Variants in ME2 observed in about 807,000 individuals in gnomAD.
The protein encoded by ME2 is malic enzyme 2.
Under a neutral mutation model 73.7 loss-of-function variants are expected in ME2, and 60 were observed. That is an observed-to-expected ratio of 0.81 (90% CI 0.66 to 1.01). The LOEUF is 1.01. Ranked by LOEUF, ME2 falls within the 50% of genes least tolerant of loss-of-function variation. The pLI is 0.00. For missense variants in ME2, 594 were observed against 705.5 expected (o/e 0.84, Z 1.79); for synonymous variants, 199 against 236.9 (o/e 0.84, Z 1.47).
At chr18:50,896,598 A>G (rs1382764578) in intron 2 of ME2, among the ~76,000 whole-genome samples, 2 of 151,980 alleles carry the variant, frequency 1.3e-5, no homozygotes, top group African/African-American at 4.8e-5. Flanking sequence ...CTGGGAAGAG[A>G]TTTTTTTTAC....
At chr18:50,879,841 A>G (rs1461588269) in intron 1 of ME2, among the ~76,000 whole-genome samples, 5 of 152,196 alleles carry the variant, frequency 3.3e-5, no homozygotes, top group African/African-American at 9.7e-5. Flanking sequence ...ATTAAATGCC[A>G]TCTGTGGACC....
chr18:50,881,859 T>C (rs964226711), intron 1 of ME2, among the ~76,000 whole-genome samples: 1 of 152,220 alleles, frequency 6.6e-6, no homozygotes, highest in African/African-American at 2.4e-5. Flanking sequence ...TAATGAATTA[T>C]CTAATTTAAA....
intron 15 of ME2, chr18:50,945,369 C>T (rs575752253): frequency 7.9e-5 from 12 of 152,376 alleles, no homozygotes; most frequent in African/African-American, 2.6e-4. Flanking sequence ...ATCCACCTGC[C>T]TCAGCCTCCC....
chr18:50,947,302 G>A lies in ME2; in HGVS notation c.*118G>A. The A allele has an allele frequency of 9.2e-7, 1 of 1,086,498 alleles. No homozygotes were observed. Among genetic ancestry groups the A allele is most frequent in the Non-Finnish European group, 1.3e-6 (1 of 754,532 alleles). The allele number at this position is 1,086,498 out of a possible 1,614,324, so 67.3% of individuals were successfully genotyped here. A position where few individuals can be genotyped will look rare whatever the true frequency, so the allele number is the denominator to read the frequency against. On this transcript the variant is annotated 3_prime_UTR_variant, in exon 16 of 16. Transcript: ENST00000321341. ...TGTTTTGTTCTCCCTGACCACTTTG[G>A]TTGATGTATTTTTTCCATGCGTCTC...
At chr18:50,923,066 T>C (rs984951733) in intron 10 of ME2, among the ~76,000 whole-genome samples, 3 of 152,214 alleles carry the variant, frequency 2.0e-5, no homozygotes, top group African/African-American at 7.2e-5. Context: ...TCTTCTGGCT[T>C]TGTGGCATTA....
At position 50,880,703 on chromosome 18, in the gene ME2, C is replaced by G. The variant is rs151288723; in HGVS notation, c.-13+1395C>G. Among the ~76,000 whole-genome samples the G allele has an allele frequency of 2.3e-3, 348 of 152,226 alleles. 2 individuals are homozygous for G. Among genetic ancestry groups the G allele is most frequent in the African/African-American group, 8.2e-3 (340 of 41,538 alleles). On this transcript the variant is annotated intron_variant, in intron 1 of 15. Coordinates refer to ENST00000321341, the MANE Select transcript of ME2 (RefSeq NM_002396.5). ...AAAGTGCTGGGATTACAGGCGTTAG[C>G]GACCGCGCCTAGCTCCTAATATGAC...
At position 50,879,287 on chromosome 18, in the gene ME2, C is replaced by G. The variant is rs1489560474; in HGVS notation, c.-34C>G. On this transcript the variant is annotated 5_prime_UTR_variant, in exon 1 of 16. Transcript: ENST00000321341. ...GCGGCCTCTCCGCCGGGTGTACCAC[C>G]TGTCGCGGCGCGAGACCTCTGGTAA... 1 of 152,058 alleles carries G rather than the reference C, an allele frequency of 6.6e-6. No homozygotes were observed. The highest frequency in any genetic ancestry group is 1.5e-5 in the Non-Finnish European group (1 of 68,044). The allele number at this position is 152,058 out of a possible 1,614,324, so 9.4% of individuals were successfully genotyped here. A position where few individuals can be genotyped will look rare whatever the true frequency, so the allele number is the denominator to read the frequency against.
chr18:50,918,264 G>A (rs1198372460), intron 7 of ME2, 51 bp downstream of exon 7: 3 of 1,205,432 alleles, frequency 2.5e-6, no homozygotes, highest in African/African-American at 3.0e-5. Flanking sequence ...GGGGTGGGTG[G>A]GGTAAGAACC....
At chr18:50,945,904 T>C (rs1471119245) in intron 15 of ME2, among the ~76,000 whole-genome samples, 1 of 152,062 alleles carries the variant, frequency 6.6e-6, no homozygotes, top group East Asian at 1.9e-4. Flanking sequence ...CCATCTCTAC[T>C]GAACATACAA....
At chr18:50,897,034 C>G (rs915943010) in intron 2 of ME2, among the ~76,000 whole-genome samples, 1 of 152,214 alleles carries the variant, frequency 6.6e-6, no homozygotes, top group East Asian at 1.9e-4. Context: ...TTTACACCAC[C>G]ATGGACTGGA....
Position 50,925,855 on chromosome 18 carries a change from C to T in ME2, c.1271C>T (p.Ala424Val). 1 of 1,610,830 alleles carries T rather than the reference C, an allele frequency of 6.2e-7. No homozygotes were observed. Among genetic ancestry groups the T allele is most frequent in the Non-Finnish European group, 8.5e-7 (1 of 1,177,038 alleles). The change falls in exon 12 of 16, where the codon GCA becomes GTA. Residue 424 changes from alanine to valine, a missense_variant. Ala to Val is a moderately conservative substitution (Grantham distance 64). Transcript: ENST00000321341. ...ATATTTGCATTAAGTAATCCTACAG[C>T]ACAGGCAGAGTGCACGGCTGAAGAA... The part of the protein sequence containing the change: ...PVIFALSNPT[A>V]QAECTAEEAY...
chr18:50,885,734 ATAAT>A (rs1916446805), intron 1 of ME2, among the ~76,000 whole-genome samples: 1 of 152,070 alleles, frequency 6.6e-6, no homozygotes, highest in South Asian at 2.1e-4. Context: ...ATACTGATTA[ATAAT>A]TTTTAAAAGT....
At chr18:50,924,489 T>C (rs1476667188) in intron 11 of ME2, among the ~76,000 whole-genome samples, 4 of 152,216 alleles carry the variant, frequency 2.6e-5, no homozygotes, top group African/African-American at 9.6e-5. Flanking sequence ...CAAAGCCATT[T>C]GCAGATTTTA....
Position 50,932,303 on chromosome 18 carries a change from CT to C in ME2, c.1362del (p.Thr455GlnfsTer22). 6.2e-7 allele frequency: 1 copy of C among 1,613,028 alleles called. No homozygotes were observed. Among genetic ancestry groups the C allele is most frequent in the Non-Finnish European group, 8.5e-7 (1 of 1,179,292 alleles). On this transcript the variant is annotated frameshift_variant, in exon 13 of 16. Coordinates refer to ENST00000321341, the MANE Select transcript of ME2 (RefSeq NM_002396.5). LOFTEE classifies it high-confidence loss of function. ...TGGCAGTCCATTTGGGCCAGTGAAA[CT>C]TACAGATGGGCGAGTCTTTACACCA... ...ASGSPFGPVK[L>X]TDGRVFTPGQ...
At chr18:50,915,341 A>G (rs1917261160) in intron 4 of ME2, 1 of 152,124 alleles carries the variant, frequency 6.6e-6, no homozygotes. Flanking sequence ...CTAAAAATAC[A>G]AAAACTAGCC....
intron 5 of ME2, 157 bp from the exon 6 acceptor site, chr18:50,917,190 T>G (rs1048958423): frequency 7.9e-5 from 44 of 556,854 alleles, no homozygotes; most frequent in African/African-American, 7.9e-4. Context: ...GAATTTTAAG[T>G]ATGCTTTGTT....
At chr18:50,907,262 G>A (rs1407509580) in intron 2 of ME2, among the ~76,000 whole-genome samples, 1 of 152,116 alleles carries the variant, frequency 6.6e-6, no homozygotes, top group African/African-American at 2.4e-5. Context: ...GTGGCTTCCA[G>A]GCTGCTGATT....
intron 1 of ME2, among the ~76,000 whole-genome samples, chr18:50,894,770 G>A (rs1434893353): frequency 6.0e-5 from 9 of 150,730 alleles, no homozygotes; most frequent in South Asian, 2.1e-4. Context: ...CCAGCTACTC[G>A]GGAGGCTGAG....
intron 14 of ME2, chr18:50,939,942 G>C (rs978556508): frequency 9.4e-6 from 4 of 423,734 alleles, no homozygotes; most frequent in African/African-American, 4.0e-5. Context: ...ACAAGTACTG[G>C]TATTATTTGG....
Sources: gnomAD v4.1 joint callset for allele counts (sites outside exome capture counted in the v4.1 genomes callset) on GRCh38, gnomAD v4.1.1 for gene constraint, MANE v1.5 for transcripts, NCBI Gene and HGNC (gene_info 2026-07-23, HGNC 2026-07-21) for gene names.